Variants in PDE3A observed in about 807,000 individuals in gnomAD.
PDE3A encodes the protein cGMP-inhibited 3',5'-cyclic phosphodiesterase 3A.
Under a neutral mutation model 98.3 loss-of-function variants are expected in PDE3A, and 43 were observed. That is an observed-to-expected ratio of 0.44 (90% CI 0.34 to 0.56). The LOEUF is 0.56. PDE3A is among the 20% of genes least tolerant of loss of function. The probability of loss-of-function intolerance (pLI) is 0.01; values close to 1 mark genes in which losing one functional copy is unlikely to be tolerated. For synonymous variants in PDE3A, 663 were observed against 567.9 expected, an observed-to-expected ratio of 1.17 and a Z score of -2.38; for missense variants, 1,427 against 1,440.7, an observed-to-expected ratio of 0.99 and a Z score of 0.15.
intron 5 of PDE3A, among the ~76,000 whole-genome samples, chr12:20,623,763 ATATGATGGATGTATTCTAGAAAGAATT>A (rs1555102187): frequency 2.1e-4 from 7 of 34,036 alleles, no homozygotes; most frequent in Admixed American, 8.3e-4. Flanking sequence ...TAGAAAGAAT[ATATGATGGATGTATTCTAGAAAGAATT>A]TATGATGGAT....
intron 8 of PDE3A, among the ~76,000 whole-genome samples, chr12:20,635,304 C>G (rs903092553): frequency 6.6e-6 from 1 of 152,106 alleles, no homozygotes; most frequent in Non-Finnish European, 1.5e-5. Flanking sequence ...CAGTGGCTCA[C>G]GCCTGTAATC....
intron 1 of PDE3A, among the ~76,000 whole-genome samples, chr12:20,409,470 A>C (rs1342905073): frequency 6.6e-6 from 1 of 152,186 alleles, no homozygotes; most frequent in Non-Finnish European, 1.5e-5. Flanking sequence ...ATTTGATACT[A>C]TGTAGAGAGA....
At chr12:20,526,016 A>T (rs1946511751) in intron 1 of PDE3A, among the ~76,000 whole-genome samples, 1 of 152,292 alleles carries the variant, frequency 6.6e-6, no homozygotes, top group East Asian at 1.9e-4. Context: ...TTTTGTTTCA[A>T]AGTTGGTAAG....
At chr12:20,533,630 A>G (rs919891924) in intron 1 of PDE3A, among the ~76,000 whole-genome samples, 1 of 151,192 alleles carries the variant, frequency 6.6e-6, no homozygotes, top group Non-Finnish European at 1.5e-5. Flanking sequence ...TACAGGCGCC[A>G]CCACCACACC....
chr12:20,371,137 A>T (rs1943466383), intron 1 of PDE3A, among the ~76,000 whole-genome samples: 1 of 152,226 alleles, frequency 6.6e-6, no homozygotes, highest in African/African-American at 2.4e-5. Flanking sequence ...GGAACCTGGG[A>T]TTATAAAGTT....
At chr12:20,443,412 T>A (rs1336755348) in intron 1 of PDE3A, among the ~76,000 whole-genome samples, 1 of 152,174 alleles carries the variant, frequency 6.6e-6, no homozygotes, top group Admixed American at 6.5e-5. Flanking sequence ...CAATTAATGC[T>A]GACATAAGCT....
intron 3 of PDE3A, among the ~76,000 whole-genome samples, 178 bp downstream of exon 3, chr12:20,613,878 C>CTTGA (rs1265293888): frequency 1.3e-5 from 2 of 152,128 alleles, no homozygotes; most frequent in Non-Finnish European, 2.9e-5. Context: ...TGTCCTTATA[C>CTTGA]TTGATAGTTT....
At chr12:20,607,869 T>G (rs1445143410) in intron 2 of PDE3A, among the ~76,000 whole-genome samples, 2 of 152,170 alleles carry the variant, frequency 1.3e-5, no homozygotes, top group Non-Finnish European at 2.9e-5. Context: ...TATATAAACT[T>G]AACATTTAGT....
intron 2 of PDE3A, among the ~76,000 whole-genome samples, chr12:20,577,020 A>C (rs1055058183): frequency 6.6e-6 from 1 of 152,112 alleles, no homozygotes; most frequent in Non-Finnish European, 1.5e-5. Flanking sequence ...AGGTGCAGCA[A>C]ATGCAATACC....
rs973288592 is a variant in PDE3A, at chr12:20,683,775, A to G, written c.*3504A>G. 2 of 152,110 alleles carry G rather than the reference A, an allele frequency of 1.3e-5. No homozygotes were observed. Among genetic ancestry groups the G allele is most frequent in the African/African-American group, 4.8e-5 (2 of 41,446 alleles). 9.4% of individuals were successfully genotyped at this position (152,110 alleles called of 1,614,324 possible). The stretch of plus-strand genomic sequence containing the variant: ...TTTCTCATATTATGTTCAAGAAAGT[A>G]TTTACTTCCTAAAAATAGAATTCCC... On this transcript the variant is annotated 3_prime_UTR_variant, in exon 16 of 16. Transcript: ENST00000359062.
At chr12:20,384,052 G>A (rs144770942) in intron 1 of PDE3A, among the ~76,000 whole-genome samples, 1 of 151,852 alleles carries the variant, frequency 6.6e-6, no homozygotes, top group African/African-American at 2.4e-5. Flanking sequence ...GCCAAGTTGG[G>A]TATTGATGGG....
chr12:20,589,651 G>A (rs1466500102), intron 2 of PDE3A, among the ~76,000 whole-genome samples: 1 of 151,762 alleles, frequency 6.6e-6, no homozygotes, highest in Non-Finnish European at 1.5e-5. Flanking sequence ...GGCAGATCAC[G>A]AGGTCAGGAG....
intron 1 of PDE3A, among the ~76,000 whole-genome samples, chr12:20,434,555 C>T (rs894268539): frequency 2.6e-5 from 4 of 152,096 alleles, no homozygotes; most frequent in Non-Finnish European, 5.9e-5. Flanking sequence ...CAGCCCTGAT[C>T]CCTGTGCTGA....
At chr12:20,429,205 G>A (rs1295080714) in intron 1 of PDE3A, among the ~76,000 whole-genome samples, 2 of 152,140 alleles carry the variant, frequency 1.3e-5, no homozygotes, top group African/African-American at 4.8e-5. Flanking sequence ...ATTGCTTTAC[G>A]GGGTTTCTAG....
chr12:20,664,163 C>T (rs1342842293), intron 15 of PDE3A, among the ~76,000 whole-genome samples: 1 of 152,060 alleles, frequency 6.6e-6, no homozygotes, highest in Non-Finnish European at 1.5e-5. Context: ...GAGGCCTCCC[C>T]AGCCCTGTGG....
At chr12:20,471,359 C>T (rs897411948) in intron 1 of PDE3A, among the ~76,000 whole-genome samples, 18 of 152,190 alleles carry the variant, frequency 1.2e-4, no homozygotes, top group African/African-American at 3.6e-4. Flanking sequence ...CAATTAAATC[C>T]GGGGTAAGGT....
At chr12:20,468,837 C>T (rs1591963732) in intron 1 of PDE3A, among the ~76,000 whole-genome samples, 1 of 152,322 alleles carries the variant, frequency 6.6e-6, no homozygotes, top group African/African-American at 2.4e-5. Context: ...TAAGCATCCT[C>T]TCAAAGTTTC....
intron 1 of PDE3A, among the ~76,000 whole-genome samples, chr12:20,521,708 G>A (rs186775795): frequency 1.3e-5 from 2 of 152,102 alleles, no homozygotes; most frequent in Admixed American, 6.5e-5. Context: ...CTGTTGTGCC[G>A]AACCCTCATT....
intron 1 of PDE3A, among the ~76,000 whole-genome samples, chr12:20,404,404 G>A (rs547812904): frequency 6.6e-6 from 1 of 152,112 alleles, no homozygotes; most frequent in East Asian, 1.9e-4. Context: ...TATGTAGAAA[G>A]CCATATACTG....
Sources: gnomAD v4.1 joint callset for allele counts (sites outside exome capture counted in the v4.1 genomes callset) on GRCh38, gnomAD v4.1.1 for gene constraint, MANE v1.5 for transcripts, NCBI Gene and HGNC (gene_info 2026-07-23, HGNC 2026-07-21) for gene names.